The following STK10 variants were observed in gnomAD, a reference collection of about 807,000 sequenced individuals.
STK10 encodes the protein serine/threonine kinase 10.
A neutral mutation model predicts 113.8 loss-of-function variants in STK10; 78 were observed. That is an observed-to-expected ratio of 0.69 (90% CI 0.57 to 0.83). The LOEUF is 0.83. Among genes scored for constraint, STK10 ranks in the 40% least tolerant of loss-of-function variants. The pLI is 0.00. For missense variants in STK10, 1,109 were observed against 1,280.1 expected, an observed-to-expected ratio of 0.87 and a Z score of 2.04; for synonymous variants, 465 against 494.7, an observed-to-expected ratio of 0.94 and a Z score of 0.80.
chr5:172,095,470 C>T (rs955393225), intron 8 of STK10, among the ~76,000 whole-genome samples: 26 of 152,322 alleles, frequency 1.7e-4, no homozygotes, highest in African/African-American at 4.3e-4. Flanking sequence ...TGCCATCTAT[C>T]GGCTCAGCCA....
At chr5:172,127,471 C>G in intron 2 of STK10, 50 bp from the exon 3 acceptor site, 1 of 1,599,944 alleles carries the variant, frequency 6.3e-7, no homozygotes, top group Non-Finnish European at 8.5e-7. Context: ...GCCCAGCCGT[C>G]GAGACGGGAA....
chr5:172,105,050 A>G (rs1039672447), intron 7 of STK10, among the ~76,000 whole-genome samples: 4 of 151,712 alleles, frequency 2.6e-5, no homozygotes, highest in Admixed American at 2.6e-4. Context: ...CTGTGGGGAG[A>G]GAATATGCTG....
intron 1 of STK10, among the ~76,000 whole-genome samples, chr5:172,161,737 G>A (rs1170560818): frequency 6.6e-6 from 1 of 152,176 alleles, no homozygotes; most frequent in Non-Finnish European, 1.5e-5. Context: ...ACAATGTGGT[G>A]CTGTCAATAT....
intron 18 of STK10, among the ~76,000 whole-genome samples, chr5:172,049,656 A>G (rs556649006): frequency 6.6e-6 from 1 of 152,198 alleles, no homozygotes; most frequent in Non-Finnish European, 1.5e-5. Context: ...CTGCTAAGAC[A>G]CAGTTTGCTT....
chr5:172,177,957 T>C (rs1334752850), intron 1 of STK10, among the ~76,000 whole-genome samples: 1 of 152,188 alleles, frequency 6.6e-6, no homozygotes, highest in East Asian at 1.9e-4. Context: ...GCCTCCCAAG[T>C]AGCTGGGACT....
intron 15 of STK10, 32 bp downstream of exon 15, chr5:172,057,317 A>G: frequency 6.4e-7 from 1 of 1,573,920 alleles, no homozygotes. Context: ...GCCCGGCAGC[A>G]GATCCGAGCC....
chr5:172,045,635 G>A (rs1218040188), intron 18 of STK10, among the ~76,000 whole-genome samples: 4 of 152,286 alleles, frequency 2.6e-5, no homozygotes, highest in East Asian at 3.9e-4. Flanking sequence ...AAAGCACTGC[G>A]GGAGGTTCCC....
chr5:172,158,130 G>T (rs1770392742), intron 1 of STK10, among the ~76,000 whole-genome samples: 1 of 152,174 alleles, frequency 6.6e-6, no homozygotes, highest in South Asian at 2.1e-4. Flanking sequence ...AATAACAAGT[G>T]TTGGTGAGGA....
intron 7 of STK10, among the ~76,000 whole-genome samples, chr5:172,099,264 G>A (rs543437899): frequency 3.3e-5 from 5 of 152,266 alleles, no homozygotes; most frequent in South Asian, 2.1e-4. Flanking sequence ...GTTATGGCCC[G>A]GCACAGTGGC....
At chr5:172,154,453 G>A (rs982518774) in intron 2 of STK10, among the ~76,000 whole-genome samples, 4 of 152,170 alleles carry the variant, frequency 2.6e-5, no homozygotes, top group Admixed American at 1.3e-4. Flanking sequence ...TGCCCACGCT[G>A]TCTCTCCTGC....
intron 7 of STK10, among the ~76,000 whole-genome samples, chr5:172,098,407 G>C (rs1430016360): frequency 6.6e-6 from 1 of 152,162 alleles, no homozygotes; most frequent in Admixed American, 6.5e-5. Context: ...TCCAGGCAGA[G>C]GGAGCAGCTG....
chr5:172,064,765 G>A lies in STK10; in HGVS notation c.2037C>T (p.Ser679=), dbSNP rs947894839. The A allele has an allele frequency of 4.3e-6, 7 of 1,614,174 alleles. No homozygotes were observed. The highest frequency in any genetic ancestry group is 5.1e-6 in the Non-Finnish European group (6 of 1,180,022). The change falls in exon 13 of 19, where the codon AGC becomes AGT. Residue 679 remains serine (S), a synonymous_variant. Coordinates refer to ENST00000176763, the MANE Select transcript of STK10 (RefSeq NM_005990.4). ...EKLPRQQRKE[S]MKQKMEEHTQ... ...TGTGCTCCTCCATCTTCTGCTTCAT[G>A]CTTTCCTTCCGCTGCTGTCGGGGGA...
At chr5:172,150,064 A>AAAAG (rs1266041258) in intron 2 of STK10, among the ~76,000 whole-genome samples, 1 of 150,024 alleles carries the variant, frequency 6.7e-6, no homozygotes, top group Non-Finnish European at 1.5e-5. Context: ...AAAAAAAAAA[A>AAAAG]AAAGAAAGAA....
chr5:172,058,621 T>C (rs1425458464), intron 14 of STK10, among the ~76,000 whole-genome samples: 5 of 152,142 alleles, frequency 3.3e-5, no homozygotes, highest in Non-Finnish European at 7.3e-5. Flanking sequence ...CCAGGCACAG[T>C]GGCTCACACC....
In STK10 at chr5:172,107,827, A is replaced by T; in HGVS notation, c.546T>A (p.Asn182Lys). 6.2e-7 allele frequency: 1 copy of T among 1,614,192 alleles called. No individual in the cohort carries two copies. The highest frequency in any genetic ancestry group is 2.2e-5 in the East Asian group (1 of 44,886). ...RLADFGVSAK[N>K]LKTLQKRDSF... ...AATCTCGTTTCTGTAGAGTCTTCAG[A>T]TTCTTGGCAGACACACCAAAGTCAG... Residue 182 changes from asparagine (N) to lysine (K), a missense_variant, in exon 5 of 19, where the codon AAT becomes AAA. Around this residue, in one of 5 missense-constraint regions of STK10, gnomAD observed 44 missense variants for 84.4 expected, o/e 0.52. Coordinates refer to ENST00000176763, the MANE Select transcript of STK10 (RefSeq NM_005990.4).
chr5:172,070,236 A>G (rs893080013), intron 12 of STK10, among the ~76,000 whole-genome samples: 1 of 151,540 alleles, frequency 6.6e-6, no homozygotes, highest in African/African-American at 2.4e-5. Context: ...CGACAAGAGC[A>G]AAATTCCACC....
chr5:172,168,285 G>C (rs910870147), intron 1 of STK10, among the ~76,000 whole-genome samples: 3 of 152,222 alleles, frequency 2.0e-5, no homozygotes, highest in African/African-American at 7.2e-5. Context: ...GTCAATCGCA[G>C]GAAGGGCTGC....
intron 14 of STK10, among the ~76,000 whole-genome samples, chr5:172,060,580 CTG>C (rs1767910798): frequency 6.6e-6 from 1 of 152,248 alleles, no homozygotes; most frequent in Non-Finnish European, 1.5e-5. Flanking sequence ...GGCACCCTGA[CTG>C]TGGATTTCCC....
intron 1 of STK10, among the ~76,000 whole-genome samples, chr5:172,184,940 C>T (rs756478329): frequency 2.6e-5 from 4 of 152,142 alleles, no homozygotes; most frequent in Admixed American, 6.5e-5. Context: ...GGATTACAGG[C>T]GTGAGCCACA....
Sources: gnomAD v4.1 joint callset for allele counts (sites outside exome capture counted in the v4.1 genomes callset) on GRCh38, gnomAD v4.1.1 for gene constraint, gnomAD v4.1.1 regional missense constraint, MANE v1.5 for transcripts, NCBI Gene and HGNC (gene_info 2026-07-23, HGNC 2026-07-21) for gene names.